The following MAF variants were observed in gnomAD, a reference collection of about 807,000 sequenced individuals.
MAF encodes transcription factor Maf.
In MAF, 10 loss-of-function variants were observed where a neutral mutation model predicts 22.0. The observed-to-expected ratio is 0.45, with a 90% CI of 0.28 to 0.77. The LOEUF (loss-of-function observed/expected upper bound fraction) is 0.77, where lower values mean the gene tolerates loss of function less well. MAF is among the 30% of genes least tolerant of loss of function. The probability of loss-of-function intolerance (pLI) is 0.12; values close to 1 mark genes in which losing one functional copy is unlikely to be tolerated. For missense variants in MAF, 544 were observed against 548.4 expected (o/e 0.99, Z 0.08); for synonymous variants, 337 against 255.8 (o/e 1.32, Z -3.03).
chr16:79,536,090 T>A, the MAF span, among the ~76,000 whole-genome samples: 1 of 152,232 alleles, frequency 6.6e-6, no homozygotes, highest in Non-Finnish European at 1.5e-5. Flanking sequence ...GATAAACCCT[T>A]TCTCTAGCTA....
chr16:79,227,755 C>A, the MAF span, among the ~76,000 whole-genome samples: 28 of 151,822 alleles, frequency 1.8e-4, 1 homozygote, highest in Admixed American at 6.6e-4. Flanking sequence ...CAAAATAATA[C>A]ATTTTACGCT....
At chr16:79,216,028 C>A in the MAF span, among the ~76,000 whole-genome samples, 1 of 152,164 alleles carries the variant, frequency 6.6e-6, no homozygotes, top group African/African-American at 2.4e-5. Context: ...GTGATAAATT[C>A]TTGACAGGTG....
chr16:79,461,813 T>C, the MAF span, among the ~76,000 whole-genome samples: 6 of 152,156 alleles, frequency 3.9e-5, no homozygotes, highest in Non-Finnish European at 2.9e-5. Context: ...AGACCCATCC[T>C]CCTATGCCAG....
chr16:79,494,913 G>T, the MAF span, among the ~76,000 whole-genome samples: 2 of 152,140 alleles, frequency 1.3e-5, no homozygotes, highest in Admixed American at 6.6e-5. Context: ...AAAAGTCAGA[G>T]AAATATTTAT....
At chr16:79,529,660 T>C in the MAF span, among the ~76,000 whole-genome samples, 1 of 152,284 alleles carries the variant, frequency 6.6e-6, no homozygotes, top group East Asian at 1.9e-4. Flanking sequence ...ATACAAAGCA[T>C]GCAATAAATA....
At chr16:79,454,132 G>A in the MAF span, among the ~76,000 whole-genome samples, 2 of 152,154 alleles carry the variant, frequency 1.3e-5, no homozygotes, top group East Asian at 1.9e-4. Flanking sequence ...TCCCATTTTA[G>A]GGATGAATAC....
chr16:79,567,561 T>C, the MAF span, among the ~76,000 whole-genome samples: 1 of 145,676 alleles, frequency 6.9e-6, no homozygotes, highest in Non-Finnish European at 1.6e-5. Flanking sequence ...TTTTGTCTGT[T>C]TGTATATTTT....
At chr16:79,357,392 G>C in the MAF span, among the ~76,000 whole-genome samples, 8 of 152,316 alleles carry the variant, frequency 5.3e-5, no homozygotes, top group South Asian at 1.7e-3. Context: ...AGAGGTTGCA[G>C]TGAGCCAACA....
chr16:79,333,343 T>C, the MAF span, among the ~76,000 whole-genome samples: 3 of 152,134 alleles, frequency 2.0e-5, no homozygotes, highest in Non-Finnish European at 4.4e-5. Flanking sequence ...CTACTCTCTC[T>C]GCCTGTCAGA....
chr16:79,402,898 G>C, the MAF span, among the ~76,000 whole-genome samples: 1 of 152,184 alleles, frequency 6.6e-6, no homozygotes, highest in Non-Finnish European at 1.5e-5. Flanking sequence ...GCTGAGCCCA[G>C]AGATCATGAA....
At chr16:79,406,587 C>T in the MAF span, among the ~76,000 whole-genome samples, 1 of 152,126 alleles carries the variant, frequency 6.6e-6, no homozygotes, top group Non-Finnish European at 1.5e-5. Flanking sequence ...AAGTTCCACC[C>T]TCATGATCTG....
the MAF span, among the ~76,000 whole-genome samples, chr16:79,416,814 T>G: frequency 5.9e-5 from 9 of 152,228 alleles, no homozygotes; most frequent in Non-Finnish European, 1.0e-4. Context: ...GCCGCTGTGT[T>G]GTTTTTTGAC....
chr16:79,546,105 A>G, the MAF span, among the ~76,000 whole-genome samples: 4 of 152,132 alleles, frequency 2.6e-5, no homozygotes, highest in African/African-American at 7.2e-5. Flanking sequence ...AAAATGTGGT[A>G]TGAGTGTTAC....
the MAF span, among the ~76,000 whole-genome samples, chr16:79,458,275 C>A: frequency 0.11 from 17,033 of 151,976 alleles, 1,090 homozygotes; most frequent in East Asian, 0.24. Flanking sequence ...GTTTCTTCCT[C>A]GTGTCTCATC....
At chr16:79,404,707 G>T in the MAF span, among the ~76,000 whole-genome samples, 2 of 151,896 alleles carry the variant, frequency 1.3e-5, no homozygotes. Context: ...TCTCCCCAGT[G>T]GATGACAGCC....
chr16:79,259,038 T>C, the MAF span, among the ~76,000 whole-genome samples: 2 of 152,020 alleles, frequency 1.3e-5, no homozygotes, highest in Non-Finnish European at 2.9e-5. Context: ...GGTTAAAAAT[T>C]CTCCTCCTTC....
the MAF span, among the ~76,000 whole-genome samples, chr16:79,234,417 G>C: frequency 1.3e-5 from 2 of 152,254 alleles, no homozygotes; most frequent in South Asian, 4.1e-4. Flanking sequence ...ACTTAATAGA[G>C]TGTTCATTGT....
the MAF span, among the ~76,000 whole-genome samples, chr16:79,357,118 C>G: frequency 1.3e-5 from 2 of 152,158 alleles, no homozygotes; most frequent in African/African-American, 4.8e-5. Context: ...TAGCTGGATG[C>G]AGTGGCATGC....
At chr16:79,471,918 G>A in the MAF span, among the ~76,000 whole-genome samples, 1 of 152,148 alleles carries the variant, frequency 6.6e-6, no homozygotes, top group African/African-American at 2.4e-5. Context: ...CAACTTTGGG[G>A]AAAATGGCCT....
Sources: gnomAD v4.1 joint callset for allele counts (sites outside exome capture counted in the v4.1 genomes callset) on GRCh38, gnomAD v4.1.1 for gene constraint, MANE v1.5 for transcripts, NCBI Gene and HGNC (gene_info 2026-07-23, HGNC 2026-07-21) for gene names.